AFG2A: variants seen among roughly 807,000 people sequenced by gnomAD.
The protein encoded by AFG2A is AAA ATPase AFG2A, also known as ATPase family gene 2 protein homolog A.
chr4:123,051,640 C>CTTTTTT, the AFG2A span, among the ~76,000 whole-genome samples: 10 of 96,046 alleles, frequency 1.0e-4, no homozygotes, highest in Middle Eastern at 0.013. Context: ...ATTTCCTCAG[C>CTTTTTT]TTTTTTTTTT....
chr4:123,165,574 A>T, the AFG2A span, among the ~76,000 whole-genome samples: 10 of 152,084 alleles, frequency 6.6e-5, no homozygotes, highest in Non-Finnish European at 1.5e-4. Flanking sequence ...TGATTTATTT[A>T]TTAATAAATT....
At chr4:123,093,855 T>C in the AFG2A span, among the ~76,000 whole-genome samples, 1 of 152,206 alleles carries the variant, frequency 6.6e-6, no homozygotes, top group Admixed American at 6.5e-5. Flanking sequence ...CTTTAGAAGA[T>C]ACAAACTTTA....
At chr4:122,965,726 T>G in the AFG2A span, among the ~76,000 whole-genome samples, 8 of 152,336 alleles carry the variant, frequency 5.3e-5, no homozygotes, top group Non-Finnish European at 1.0e-4. Context: ...TGGCTTACTT[T>G]CAACCATATT....
At chr4:123,082,307 G>T in the AFG2A span, among the ~76,000 whole-genome samples, 1 of 152,096 alleles carries the variant, frequency 6.6e-6, no homozygotes, top group East Asian at 1.9e-4. Flanking sequence ...GTTTTTGGAA[G>T]AAGTGTAAGG....
chr4:123,168,102 G>A, the AFG2A span, among the ~76,000 whole-genome samples: 1 of 152,198 alleles, frequency 6.6e-6, no homozygotes, highest in Non-Finnish European at 1.5e-5. Context: ...AGTGGTGGTA[G>A]CAACTGAAGC....
At chr4:123,162,817 T>A in the AFG2A span, among the ~76,000 whole-genome samples, 2 of 152,186 alleles carry the variant, frequency 1.3e-5, no homozygotes, top group Admixed American at 6.5e-5. Flanking sequence ...AGCATGTTAT[T>A]TGGCCCCTCT....
At chr4:123,145,483 A>G in the AFG2A span, among the ~76,000 whole-genome samples, 1 of 152,114 alleles carries the variant, frequency 6.6e-6, no homozygotes, top group East Asian at 1.9e-4. Flanking sequence ...TGCACTTTCA[A>G]TCTGCTAATA....
the AFG2A span, among the ~76,000 whole-genome samples, chr4:123,137,771 T>G: frequency 6.6e-6 from 1 of 152,204 alleles, no homozygotes; most frequent in African/African-American, 2.4e-5. Context: ...TTCCTTTTTC[T>G]GCCTTCTTTT....
At chr4:122,998,197 TG>T in the AFG2A span, among the ~76,000 whole-genome samples, 3,299 of 152,274 alleles carry the variant, frequency 0.022, 63 homozygotes, top group Non-Finnish European at 0.036. Flanking sequence ...GTACCTTTGG[TG>T]TCACATTTGA....
the AFG2A span, among the ~76,000 whole-genome samples, chr4:123,132,597 C>CATAT: frequency 0.056 from 7,869 of 140,312 alleles, 274 homozygotes; most frequent in African/African-American, 0.08. Flanking sequence ...GATGTGTGTA[C>CATAT]ATATATATAT....
At chr4:123,212,939 CAG>C in the AFG2A span, among the ~76,000 whole-genome samples, 1 of 152,108 alleles carries the variant, frequency 6.6e-6, no homozygotes, top group African/African-American at 2.4e-5. Flanking sequence ...TAAAATAACA[CAG>C]AGCCTGTTAT....
the AFG2A span, among the ~76,000 whole-genome samples, chr4:123,145,763 C>T: frequency 0.033 from 5,069 of 152,084 alleles, 116 homozygotes; most frequent in Non-Finnish European, 0.05. Context: ...TGAGGTATAT[C>T]CTTTTGGTAT....
chr4:123,163,207 G>T, the AFG2A span, among the ~76,000 whole-genome samples: 2 of 152,138 alleles, frequency 1.3e-5, no homozygotes, highest in African/African-American at 2.4e-5. Flanking sequence ...AGGCCGAGGC[G>T]GGTGGATCAC....
the AFG2A span, among the ~76,000 whole-genome samples, chr4:123,083,268 TG>T: frequency 6.6e-6 from 1 of 152,314 alleles, no homozygotes; most frequent in Non-Finnish European, 1.5e-5. Context: ...GTAGGTTTTT[TG>T]TAGCTGTTCC....
At chr4:122,924,869 A>T in the AFG2A span, among the ~76,000 whole-genome samples, 132 of 152,238 alleles carry the variant, frequency 8.7e-4, no homozygotes, top group African/African-American at 2.9e-3. Flanking sequence ...ATAAGGAAAA[A>T]TTTTTATTAA....
At chr4:123,233,693 A>T in the AFG2A span, among the ~76,000 whole-genome samples, 1 of 151,724 alleles carries the variant, frequency 6.6e-6, no homozygotes, top group African/African-American at 2.4e-5. Context: ...ATAATAAATG[A>T]GTTCTGCATT....
At chr4:123,087,827 T>C in the AFG2A span, among the ~76,000 whole-genome samples, 1 of 152,218 alleles carries the variant, frequency 6.6e-6, no homozygotes, top group Non-Finnish European at 1.5e-5. Flanking sequence ...CTTACTAATA[T>C]GATGTATCTA....
At chr4:123,117,849 A>AT in the AFG2A span, among the ~76,000 whole-genome samples, 23,006 of 150,890 alleles carry the variant, frequency 0.15, 2,130 homozygotes, top group East Asian at 0.45. Flanking sequence ...CCTTGGGGTT[A>AT]TTTTTTTAAT....
chr4:123,143,485 GTA>G, the AFG2A span, among the ~76,000 whole-genome samples: 1 of 152,114 alleles, frequency 6.6e-6, no homozygotes, highest in Admixed American at 6.5e-5. Flanking sequence ...AATGGTTGAT[GTA>G]TATATGGCTC....
Sources: allele counts gnomAD v4.1 joint callset (sites outside exome capture counted in the v4.1 genomes callset), GRCh38; gene constraint gnomAD v4.1.1; transcripts MANE v1.5; gene names NCBI Gene and HGNC (gene_info 2026-07-23, HGNC 2026-07-21).